Variants in LRRK1 observed in about 807,000 individuals in gnomAD.
LRRK1 encodes leucine rich repeat kinase 1.
In LRRK1, 113 loss-of-function variants were observed where a neutral mutation model predicts 209.1. The ratio of observed to expected loss-of-function variants is 0.54; its 90% CI spans 0.46 to 0.63. The LOEUF (loss-of-function observed/expected upper bound fraction) is 0.63, where lower values mean the gene tolerates loss of function less well. LRRK1 is among the 30% of genes least tolerant of loss of function. LRRK1 has a pLI of 0.00. For missense variants in LRRK1, 2,284 were observed against 2,632.2 expected (o/e 0.87, Z 2.89); for synonymous variants, 1,144 against 1,099.7 (o/e 1.04, Z -0.80).
intron 2 of LRRK1, among the ~76,000 whole-genome samples, chr15:100,965,757 A>G (rs1001133824): frequency 7.9e-5 from 12 of 152,216 alleles, no homozygotes; most frequent in African/African-American, 2.9e-4. Context: ...ACTTCGTTAA[A>G]TACTTCATTG....
intron 2 of LRRK1, among the ~76,000 whole-genome samples, chr15:100,945,482 CTTTTTTTTTTT>C (rs34038990): frequency 2.0e-4 from 13 of 63,606 alleles, no homozygotes; most frequent in Admixed American, 1.3e-3. Context: ...TGCAGAGCCT[CTTTTTTTTTTT>C]TTTTTTTTTT....
At chr15:100,921,516 G>A (rs1384809322) in intron 1 of LRRK1, among the ~76,000 whole-genome samples, 1 of 151,192 alleles carries the variant, frequency 6.6e-6, no homozygotes, top group Non-Finnish European at 1.5e-5. Context: ...AGCATGTCTA[G>A]CATGCTTTGC....
At chr15:100,989,690 G>A in intron 6 of LRRK1, 1 of 542,422 alleles carries the variant, frequency 1.8e-6, no homozygotes, top group East Asian at 2.9e-5. Context: ...ATTTATGAGG[G>A]TGGGGCCTTC....
Position 100,973,755 on chromosome 15 carries a change from C to A in LRRK1, c.98-49C>A, listed in dbSNP as rs1373565983. On this transcript the variant is annotated intron_variant, in intron 2 of 33. Coordinates refer to ENST00000388948, the MANE Select transcript of LRRK1 (RefSeq NM_024652.6). ...TGTTCCACGGTGATTCTCAAGAGCA[C>A]GCGGGCAGTGGGCGGTGACGCCGTG... is the stretch of plus-strand genomic sequence containing the variant. 2.4e-6 allele frequency: 3 copies of A among 1,256,726 alleles called. No homozygotes were observed. The East Asian group carries it at 9.5e-5, about 40-fold the overall frequency. 77.8% of individuals were successfully genotyped at this position (1,256,726 alleles called of 1,614,324 possible).
At chr15:100,942,182 G>C (rs988779669) in intron 2 of LRRK1, among the ~76,000 whole-genome samples, 1 of 152,194 alleles carries the variant, frequency 6.6e-6, no homozygotes, top group Non-Finnish European at 1.5e-5. Context: ...GAAATACTGA[G>C]TGAGAATGTC....
At chr15:101,005,453 G>A (rs184718920) in intron 6 of LRRK1, among the ~76,000 whole-genome samples, 24 of 152,260 alleles carry the variant, frequency 1.6e-4, no homozygotes, top group Admixed American at 3.9e-4. Context: ...ATGGAAAGAT[G>A]AGGGAAAAAA....
intron 29 of LRRK1, among the ~76,000 whole-genome samples, chr15:101,060,598 A>C (rs1567282368): frequency 6.6e-6 from 1 of 152,250 alleles, no homozygotes; most frequent in African/African-American, 2.4e-5. Context: ...TGCGGGGTAC[A>C]TAACTTCCCA....
chr15:101,012,001 C>G lies in LRRK1; in HGVS notation c.1282-7C>G. 1 of 1,582,056 alleles carries G rather than the reference C, an allele frequency of 6.3e-7. No individual in the cohort carries two copies. The highest frequency in any genetic ancestry group is 1.2e-5 in the South Asian group (1 of 85,474). The stretch of plus-strand genomic sequence containing the variant: ...ATATACATTTTTTTTTCTCGTCAAT[C>G]TCTTAGAAATGTTGTAAAGCTTCCA... On this transcript the variant is annotated splice_region_variant and splice_polypyrimidine_tract_variant and intron_variant, in intron 9 of 33. Coordinates refer to ENST00000388948, the MANE Select transcript of LRRK1 (RefSeq NM_024652.6).
intron 2 of LRRK1, among the ~76,000 whole-genome samples, chr15:100,937,388 GC>G (rs2042319770): frequency 6.6e-6 from 1 of 151,838 alleles, no homozygotes; most frequent in Non-Finnish European, 1.5e-5. Context: ...TTTTTTATTG[GC>G]CTCAGAAACC....
chr15:101,029,790 C>T (rs1302722087), intron 20 of LRRK1, among the ~76,000 whole-genome samples: 1 of 152,148 alleles, frequency 6.6e-6, no homozygotes, highest in African/African-American at 2.4e-5. Context: ...ATTGCTTGAA[C>T]CCAGGAGGCA....
At chr15:101,062,731 A>G (rs760587528) in intron 31 of LRRK1, 41 bp downstream of exon 31, 17 of 1,425,518 alleles carry the variant, frequency 1.2e-5, no homozygotes, top group Middle Eastern at 3.5e-4. Flanking sequence ...TCTCTGATGC[A>G]CTTCCACGCC....
At chr15:101,029,407 C>T (rs1039881421) in intron 20 of LRRK1, among the ~76,000 whole-genome samples, 175 bp downstream of exon 20, 1 of 151,550 alleles carries the variant, frequency 6.6e-6, no homozygotes, top group African/African-American at 2.5e-5. Context: ...GTCAGCAGGA[C>T]AGTGAGCACG....
chr15:100,926,673 T>C (rs544509321), intron 2 of LRRK1, among the ~76,000 whole-genome samples: 4 of 133,020 alleles, frequency 3.0e-5, no homozygotes, highest in African/African-American at 1.2e-4. Flanking sequence ...TTTTCTTTTC[T>C]TTTTTTCTTT....
intron 2 of LRRK1, among the ~76,000 whole-genome samples, chr15:100,938,584 G>A (rs1435682786): frequency 6.7e-6 from 1 of 149,888 alleles, no homozygotes; most frequent in East Asian, 1.9e-4. Context: ...TCCCCCACAT[G>A]GCCAATCTGC....
At chr15:101,014,538 A>C in intron 11 of LRRK1, 110 bp downstream of exon 11, 1 of 728,988 alleles carries the variant, frequency 1.4e-6, no homozygotes, top group Non-Finnish European at 2.4e-6. Context: ...CTGAGCCGCC[A>C]GCTGGGGGCT....
At chr15:101,048,168 T>C (rs2035194533) in intron 21 of LRRK1, among the ~76,000 whole-genome samples, 1 of 152,172 alleles carries the variant, frequency 6.6e-6, no homozygotes, top group Admixed American at 6.5e-5. Context: ...GTTAAATTGG[T>C]GTTTTGTTTT....
intron 4 of LRRK1, among the ~76,000 whole-genome samples, chr15:100,984,898 G>C (rs1296644908): frequency 1.3e-5 from 2 of 152,116 alleles, no homozygotes; most frequent in Non-Finnish European, 2.9e-5. Context: ...GGGAGCCAGG[G>C]CCCACCTCTT....
intron 23 of LRRK1, chr15:101,050,775 G>A (rs185234578): frequency 5.2e-5 from 8 of 152,538 alleles, no homozygotes; most frequent in Admixed American, 3.9e-4. Flanking sequence ...GGCAGGAAGG[G>A]TGACCTACAA....
At chr15:101,010,887 A>C in intron 9 of LRRK1, 50 bp downstream of exon 9, 7 of 1,556,732 alleles carry the variant, frequency 4.5e-6, no homozygotes, top group Non-Finnish European at 6.1e-6. Flanking sequence ...TCTGCCTCTC[A>C]GCTGGCCTCA....
Sources: gnomAD v4.1 joint callset for allele counts (sites outside exome capture counted in the v4.1 genomes callset) on GRCh38, gnomAD v4.1.1 for gene constraint, MANE v1.5 for transcripts, NCBI Gene and HGNC (gene_info 2026-07-23, HGNC 2026-07-21) for gene names.